The following DACH2 variants were observed in gnomAD, a reference collection of about 807,000 sequenced individuals.
DACH2 encodes the protein dachshund homolog 2.
A neutral mutation model predicts 35.8 loss-of-function variants in DACH2; 17 were observed. The ratio of observed to expected loss-of-function variants is 0.48; its 90% CI spans 0.33 to 0.71. The LOEUF (loss-of-function observed/expected upper bound fraction) is 0.71, where lower values mean the gene tolerates loss of function less well. Among genes scored for constraint, DACH2 ranks in the 30% least tolerant of loss-of-function variants. DACH2 has a pLI of 0.02. For missense variants in DACH2, 469 were observed against 472.7 expected, an observed-to-expected ratio of 0.99 and a Z score of 0.07; for synonymous variants, 195 against 177.3, an observed-to-expected ratio of 1.10 and a Z score of -0.79.
intron 3 of DACH2, among the ~76,000 whole-genome samples, chrX:86,606,566 A>G (rs1321112470): frequency 9.4e-6 from 1 of 106,714 alleles, no homozygotes; most frequent in Admixed American, 1.0e-4. Context: ...TGATATTATT[A>G]CATTTTTTTC....
intron 1 of DACH2, among the ~76,000 whole-genome samples, chrX:86,307,913 C>A (rs776762191): frequency 9.9e-5 from 11 of 111,668 alleles, no homozygotes; most frequent in Admixed American, 4.8e-4. Context: ...TTTGGGCCCA[C>A]TAAGTAGGGA....
chrX:86,513,134 C>G (rs1392724574), intron 2 of DACH2, among the ~76,000 whole-genome samples: 1 of 111,847 alleles, frequency 8.9e-6, no homozygotes, highest in African/African-American at 3.3e-5. Context: ...ATTGATGGAT[C>G]ATTTTGCTAC....
At chrX:86,157,189 C>T (rs2030574677) in intron 1 of DACH2, among the ~76,000 whole-genome samples, 1 of 111,138 alleles carries the variant, frequency 9.0e-6, no homozygotes, top group Non-Finnish European at 1.9e-5. Flanking sequence ...ATTTTTATTG[C>T]TATATAATAT....
At chrX:86,795,681 G>A (rs142893772) in intron 7 of DACH2, among the ~76,000 whole-genome samples, 63 of 112,196 alleles carry the variant, frequency 5.6e-4, no homozygotes, top group African/African-American at 1.9e-3. Flanking sequence ...GCGGACCCTC[G>A]CAGTGAGTGT....
chrX:86,182,007 C>T (rs1453094107), intron 1 of DACH2, among the ~76,000 whole-genome samples: 1 of 111,646 alleles, frequency 9.0e-6, no homozygotes, highest in South Asian at 3.7e-4. Flanking sequence ...CTGTTCATGT[C>T]CTTCACCCAC....
chrX:86,277,296 A>G (rs1251436485), intron 1 of DACH2, among the ~76,000 whole-genome samples: 1 of 111,562 alleles, frequency 9.0e-6, no homozygotes, highest in Non-Finnish European at 1.9e-5. Context: ...TTGTAAACAG[A>G]TGACTTTTTT....
chrX:86,605,926 T>G (rs1195998043), intron 3 of DACH2, among the ~76,000 whole-genome samples: 1 of 111,484 alleles, frequency 9.0e-6, no homozygotes, highest in African/African-American at 3.2e-5. Context: ...TTAGTTTACA[T>G]CTCTGCTTAA....
intron 1 of DACH2, among the ~76,000 whole-genome samples, chrX:86,335,748 T>G (rs111880175): frequency 0.02 from 2,180 of 111,653 alleles, 46 homozygotes; most frequent in African/African-American, 0.067. Flanking sequence ...ATTGCTTTCC[T>G]TTGCCTGATT....
chrX:86,190,800 T>C (rs5968822), intron 1 of DACH2, among the ~76,000 whole-genome samples: 2,081 of 110,485 alleles, frequency 0.019, 62 homozygotes, highest in African/African-American at 0.065. Flanking sequence ...CAAAATTAGC[T>C]GGGCGTGGTG....
intron 3 of DACH2, among the ~76,000 whole-genome samples, chrX:86,641,349 G>T (rs2040344653): frequency 9.0e-6 from 1 of 111,669 alleles, no homozygotes; most frequent in African/African-American, 3.3e-5. Context: ...GTTGATAAAA[G>T]AATCCTGGAA....
At chrX:86,347,139 T>G (rs1171032074) in intron 1 of DACH2, among the ~76,000 whole-genome samples, 1 of 112,206 alleles carries the variant, frequency 8.9e-6, no homozygotes, top group Admixed American at 9.5e-5. Context: ...AGAGATAATT[T>G]TTTTATTCAA....
chrX:86,239,912 C>A (rs2033130305), intron 1 of DACH2, among the ~76,000 whole-genome samples: 1 of 111,588 alleles, frequency 9.0e-6, no homozygotes, highest in South Asian at 3.7e-4. Flanking sequence ...ATTATTAGAT[C>A]AGGAAAATAT....
In DACH2 at chrX:86,714,647, A is replaced by G; in HGVS notation, c.1031A>G (p.Asn344Ser). 1 of 1,208,625 alleles carries G rather than the reference A, an allele frequency of 8.3e-7. No individual in the cohort carries two copies. The part of the protein sequence containing the change: ...AMAMNQMNHL[N>S]TIANMAAAAQ... The stretch of plus-strand genomic sequence containing the variant: ...GCAATGAATCAGATGAACCATCTCA[A>G]TACTATTGCCAACATGGCTGCTGCA... The change falls in exon 6 of 12, where the codon AAT becomes AGT. Residue 344 changes from asparagine (N) to serine (S), a missense_variant. Around this residue, in one of 3 missense-constraint regions of DACH2, gnomAD observed 363 missense variants for 334.4 expected, o/e 1.09. Coordinates refer to ENST00000373125, the MANE Select transcript of DACH2 (RefSeq NM_053281.3).
chrX:86,257,654 C>G (rs1260357696), intron 1 of DACH2, among the ~76,000 whole-genome samples: 1 of 111,843 alleles, frequency 8.9e-6, no homozygotes, highest in Non-Finnish European at 1.9e-5. Flanking sequence ...GAGATCCTCC[C>G]ACCTAGGCTT....
intron 1 of DACH2, among the ~76,000 whole-genome samples, chrX:86,171,632 G>C (rs2031129232): frequency 9.0e-6 from 1 of 111,322 alleles, no homozygotes; most frequent in African/African-American, 3.3e-5. Flanking sequence ...TAACATGACA[G>C]CACTGAGTTC....
intron 2 of DACH2, among the ~76,000 whole-genome samples, chrX:86,446,301 T>C (rs1170523069): frequency 4.8e-5 from 5 of 103,382 alleles, no homozygotes; most frequent in Non-Finnish European, 9.8e-5. Flanking sequence ...TTTTTTTTTT[T>C]TTTTTATTAT....
At chrX:86,257,688 G>A (rs1225026745) in intron 1 of DACH2, among the ~76,000 whole-genome samples, 3 of 112,156 alleles carry the variant, frequency 2.7e-5, no homozygotes, top group East Asian at 2.8e-4. Flanking sequence ...GATTACAGGC[G>A]TGAGCCACCA....
rs1461606185 is a variant in DACH2 at position 86,514,308 on chromosome X, C to A, written c.557C>A (p.Ser186Tyr). Residue 186 changes from serine to tyrosine, a missense_variant, in exon 3 of 12, where the codon TCT becomes TAT. Coordinates refer to ENST00000373125, the MANE Select transcript of DACH2 (RefSeq NM_053281.3). ...AGACCCGGCAGGCCCCCTAAGCGTT[C>A]TTTGGGAGTGTTGCAGGAAAATGCC... ...SSRPGRPPKR[S>Y]LGVLQENARL... The A allele has an allele frequency of 1.7e-6, 2 of 1,211,276 alleles. No homozygotes were observed. Among genetic ancestry groups the A allele is most frequent in the South Asian group, 3.5e-5 (2 of 56,834 alleles).
rs759458029 is a variant in DACH2, at chrX:86,692,212, C to A, written c.773-2809C>A. 8.1e-5 allele frequency among the ~76,000 whole-genome samples: 9 copies of A among 111,263 alleles called. No homozygotes were observed. The South Asian group carries it at 3.5e-3, about 43-fold the overall frequency. On this transcript the variant is annotated intron_variant, in intron 4 of 11. Transcript: ENST00000373125. ...TGGAGGTGGGAGGAGATGGAAACTA[C>A]CTTTTCTTTTTTTTATTATTATACT...
Sources: allele counts gnomAD v4.1 joint callset (sites outside exome capture counted in the v4.1 genomes callset), GRCh38; gene constraint gnomAD v4.1.1; regional missense constraint gnomAD v4.1.1; transcripts MANE v1.5; gene names NCBI Gene and HGNC (gene_info 2026-07-23, HGNC 2026-07-21).